TAOK3: variants seen among roughly 807,000 people sequenced by gnomAD.
The protein encoded by TAOK3 is serine/threonine-protein kinase TAO3.
Under a neutral mutation model 120.4 loss-of-function variants are expected in TAOK3, and 40 were observed. The observed-to-expected ratio is 0.33, with a 90% CI of 0.26 to 0.43. TAOK3 has a LOEUF of 0.43. TAOK3 is among the 20% of genes least tolerant of loss of function. TAOK3 has a pLI of 1.00. For missense variants in TAOK3, 821 were observed against 1,112.1 expected (o/e 0.74, Z 3.72); for synonymous variants, 355 against 387.5 (o/e 0.92, Z 0.99).
intron 1 of TAOK3, among the ~76,000 whole-genome samples, chr12:118,343,523 A>G (rs1377125475): frequency 1.3e-5 from 2 of 152,108 alleles, no homozygotes; most frequent in Non-Finnish European, 2.9e-5. Flanking sequence ...CAGTAAAACA[A>G]TTTAAGATAC....
chr12:118,267,096 T>C (rs1158868270), intron 1 of TAOK3, among the ~76,000 whole-genome samples: 2 of 152,226 alleles, frequency 1.3e-5, no homozygotes, highest in Non-Finnish European at 2.9e-5. Flanking sequence ...TTCTCTGTTG[T>C]TAAGGCTTCT....
chr12:118,152,236 A>G lies in TAOK3; in HGVS notation c.2526T>C (p.Leu842=). Residue 842 remains leucine (L), a synonymous_variant, in exon 20 of 21, where the codon CTT becomes CTC. Transcript: ENST00000392533. ...GGTAATGCTCCCTTACCTTCTGCTCAAGGTGTGCTCTGCGCAGAGACACTC... is the reference window on the plus strand; with the variant it reads ...GGTAATGCTCCCTTACCTTCTGCTCGAGGTGTGCTCTGCGCAGAGACACTC... ...EQRVSLRRAH[L]EQKIEEELAA... 6.2e-7 allele frequency: 1 copy of G among 1,613,536 alleles called. No individual in the cohort carries two copies. The highest frequency in any genetic ancestry group is 1.7e-5 in the Admixed American group (1 of 59,998).
At chr12:118,272,968 C>T (rs960949567) in intron 1 of TAOK3, among the ~76,000 whole-genome samples, 14 of 151,498 alleles carry the variant, frequency 9.2e-5, no homozygotes, top group African/African-American at 3.4e-4. Flanking sequence ...AAAGTAAGAA[C>T]TTGTCTGGAA....
intron 2 of TAOK3, among the ~76,000 whole-genome samples, chr12:118,265,261 T>C (rs1371852547): frequency 6.6e-6 from 1 of 151,860 alleles, no homozygotes; most frequent in Non-Finnish European, 1.5e-5. Flanking sequence ...TGGTGGCGCT[T>C]GCCTGTAATC....
intron 1 of TAOK3, among the ~76,000 whole-genome samples, chr12:118,278,955 C>T (rs1366725981): frequency 2.0e-5 from 3 of 149,984 alleles, no homozygotes; most frequent in Non-Finnish European, 4.5e-5. Context: ...TACAGGCATG[C>T]ACCACCACAC....
intron 19 of TAOK3, among the ~76,000 whole-genome samples, chr12:118,156,868 G>A (rs2034864898): frequency 6.6e-6 from 1 of 152,038 alleles, no homozygotes; most frequent in South Asian, 2.1e-4. Context: ...CTCCCAAGTA[G>A]CTGGGATTAC....
chr12:118,177,088 G>A (rs752624497), intron 16 of TAOK3, 113 bp downstream of exon 16: 39 of 1,180,512 alleles, frequency 3.3e-5, no homozygotes, highest in Non-Finnish European at 4.1e-5. Context: ...GTATTCTAAT[G>A]TAAAGTTTGA....
intron 9 of TAOK3, among the ~76,000 whole-genome samples, chr12:118,223,503 C>G (rs2039351864): frequency 6.6e-6 from 1 of 151,542 alleles, no homozygotes; most frequent in African/African-American, 2.4e-5. Context: ...CCCGGCACCA[C>G]GTCTGGCTAA....
intron 1 of TAOK3, among the ~76,000 whole-genome samples, chr12:118,279,866 A>G (rs2042034861): frequency 6.6e-6 from 1 of 151,478 alleles, no homozygotes; most frequent in Non-Finnish European, 1.5e-5. Flanking sequence ...CCTGGGTTCA[A>G]GCGATTTTCC....
intron 11 of TAOK3, among the ~76,000 whole-genome samples, chr12:118,209,524 G>A (rs770766658): frequency 4.0e-5 from 6 of 151,606 alleles, no homozygotes; most frequent in African/African-American, 9.7e-5. Flanking sequence ...TCAGCCACTC[G>A]ATTAGCTGGG....
intron 1 of TAOK3, among the ~76,000 whole-genome samples, chr12:118,314,413 G>T (rs985412606): frequency 1.3e-5 from 2 of 152,054 alleles, no homozygotes; most frequent in African/African-American, 2.4e-5. Context: ...AAACAATATC[G>T]TGAATTAAGA....
intron 1 of TAOK3, among the ~76,000 whole-genome samples, chr12:118,277,169 G>C (rs2140372620): frequency 6.6e-6 from 1 of 152,236 alleles, no homozygotes; most frequent in South Asian, 2.1e-4. Context: ...CCATTCTACT[G>C]TGTTTCTTAT....
intron 1 of TAOK3, among the ~76,000 whole-genome samples, chr12:118,294,374 T>A (rs979518470): frequency 1.3e-5 from 2 of 151,076 alleles, no homozygotes; most frequent in Non-Finnish European, 2.9e-5. Flanking sequence ...TTCCAGAATT[T>A]CTTTTCTTTT....
intron 1 of TAOK3, among the ~76,000 whole-genome samples, chr12:118,333,729 C>A (rs2044245571): frequency 6.6e-6 from 1 of 151,524 alleles, no homozygotes; most frequent in African/African-American, 2.4e-5. Context: ...AATTTGTAAA[C>A]CTGCAGCAAG....
At chr12:118,184,420 A>G (rs955370355) in intron 14 of TAOK3, among the ~76,000 whole-genome samples, 5 of 152,178 alleles carry the variant, frequency 3.3e-5, no homozygotes, top group Non-Finnish European at 7.3e-5. Context: ...TTAAGAATAC[A>G]CCTTTTGGTC....
chr12:118,338,226 G>A (rs937423246), intron 1 of TAOK3, among the ~76,000 whole-genome samples: 1 of 152,176 alleles, frequency 6.6e-6, no homozygotes, highest in African/African-American at 2.4e-5. Flanking sequence ...TATACAGAGA[G>A]ATACTGAACA....
intron 4 of TAOK3, 52 bp from the exon 5 acceptor site, chr12:118,243,568 G>T: frequency 2.8e-6 from 2 of 713,340 alleles, no homozygotes; most frequent in Non-Finnish European, 4.4e-6. Flanking sequence ...TAGGAAAATA[G>T]TATTTCCTAT....
At chr12:118,270,489 G>T (rs2041650162) in intron 1 of TAOK3, among the ~76,000 whole-genome samples, 1 of 151,926 alleles carries the variant, frequency 6.6e-6, no homozygotes, top group Non-Finnish European at 1.5e-5. Flanking sequence ...TTCAAAGCTG[G>T]CTTCAAACCA....
chr12:118,321,614 T>C (rs1046510132), intron 1 of TAOK3, among the ~76,000 whole-genome samples: 2 of 152,170 alleles, frequency 1.3e-5, no homozygotes, highest in Admixed American at 6.5e-5. Context: ...CTTCGACTCA[T>C]AATTAAAATA....
Sources: allele counts gnomAD v4.1 joint callset (sites outside exome capture counted in the v4.1 genomes callset), GRCh38; gene constraint gnomAD v4.1.1; transcripts MANE v1.5; gene names NCBI Gene and HGNC (gene_info 2026-07-23, HGNC 2026-07-21).